Variants in CNKSR3 observed in about 807,000 individuals in gnomAD.
CNKSR3 encodes CNKSR family member 3.
Under a neutral mutation model 67.7 loss-of-function variants are expected in CNKSR3, and 36 were observed. The ratio of observed to expected loss-of-function variants is 0.53; its 90% confidence interval spans 0.41 to 0.70. The LOEUF is 0.70. Ranked by LOEUF, CNKSR3 falls within the 30% of genes least tolerant of loss-of-function variation. The pLI, the probability that CNKSR3 is intolerant of heterozygous loss-of-function variation, is 0.00. For missense variants in CNKSR3, 630 were observed against 695.2 expected (o/e 0.91, Z 1.05); for synonymous variants, 281 against 271.4 (o/e 1.04, Z -0.35).
Position 154,510,342 on chromosome 6 carries a change from C to T in CNKSR3, c.-228G>A. The T allele has an allele frequency of 1.8e-6, 1 of 547,042 alleles. No individual in the cohort carries two copies. The highest frequency in any genetic ancestry group is 3.6e-5 in the Admixed American group (1 of 27,644). The allele number at this position is 547,042 out of a possible 1,614,324, so 33.9% of individuals were successfully genotyped here. ...ACAGTCCAGCTGCAGCTCCTCCTTC[C>T]CCCGCCGCCGCCGGGATCCCGGGCA... is the stretch of plus-strand genomic sequence containing the variant. On this transcript the variant is annotated 5_prime_UTR_variant, in exon 1 of 13. Transcript: ENST00000607772.
At chr6:154,412,233 C>A (rs1332557287) in intron 10 of CNKSR3, among the ~76,000 whole-genome samples, 1 of 152,172 alleles carries the variant, frequency 6.6e-6, no homozygotes, top group Non-Finnish European at 1.5e-5. Context: ...TACCTTTAAA[C>A]CGGGCATATA....
At position 154,405,520 on chromosome 6, in the gene CNKSR3, G is replaced by A. The variant is rs1171635688; in HGVS notation, c.*834C>T. 3.3e-5 allele frequency: 5 copies of A among 152,228 alleles called. No homozygotes were observed. The highest frequency in any genetic ancestry group is 4.1e-4 in the South Asian group (2 of 4,836). 9.4% of individuals were successfully genotyped at this position (152,228 alleles called of 1,614,324 possible). The stretch of plus-strand genomic sequence containing the variant: ...ACAATTTTGAAGAAGTGTACACACC[G>A]TGCTGGAAGACAGACACTGAACAGG... On this transcript the variant is annotated 3_prime_UTR_variant, in exon 13 of 13. Transcript: ENST00000607772.
rs1466977361 is a variant in CNKSR3, at chr6:154,392,561, A to G, written c.*13793T>C. 2 of 152,366 alleles carry G rather than the reference A, an allele frequency of 1.3e-5. No homozygotes were observed. Among genetic ancestry groups the G allele is most frequent in the Non-Finnish European group, 2.9e-5 (2 of 68,052 alleles). 9.4% of individuals were successfully genotyped at this position (152,366 alleles called of 1,614,324 possible). A position where few individuals can be genotyped will look rare whatever the true frequency, so the allele number is the denominator to read the frequency against. On this transcript the variant is annotated 3_prime_UTR_variant, in exon 13 of 13. Transcript: ENST00000607772. ...CTAAAGGAGCCCACCCTCAGAATCC[A>G]AAAGAGGGTCCCGAAACCTTGTGGG...
In CNKSR3 at chr6:154,476,607, G is replaced by A. The variant is rs545882993; in HGVS notation, c.53-26349C>T. Among the ~76,000 whole-genome samples the A allele has an allele frequency of 3.5e-4, 53 of 152,176 alleles. No homozygotes were observed. The East Asian group carries it at 4.8e-3, about 14-fold the overall frequency. ...GCCAGTGTGTGTTACTTGGAGCATC[G>A]GTTACCTAAAAGCCAAGGACAGTAA... is the stretch of plus-strand genomic sequence containing the variant. On this transcript the variant is annotated intron_variant, in intron 1 of 12. Coordinates refer to ENST00000607772, the MANE Select transcript of CNKSR3 (RefSeq NM_173515.4).
At chr6:154,412,336 G>A (rs966770546) in intron 10 of CNKSR3, among the ~76,000 whole-genome samples, 1 of 152,154 alleles carries the variant, frequency 6.6e-6, no homozygotes, top group Non-Finnish European at 1.5e-5. Flanking sequence ...CATGAGTGGT[G>A]TGTGTGCACT....
intron 3 of CNKSR3, 84 bp from the exon 4 acceptor site, chr6:154,441,463 C>T (rs1785585392): frequency 2.1e-6 from 2 of 931,412 alleles, no homozygotes; most frequent in Admixed American, 3.8e-5. Flanking sequence ...ATAGCTACCC[C>T]ATGGGCTACT....
chr6:154,409,484 GA>G (rs36084587), intron 12 of CNKSR3, among the ~76,000 whole-genome samples: 25,458 of 150,768 alleles, frequency 0.17, 2,161 homozygotes, highest in East Asian at 0.22. Context: ...GGACTTGGAA[GA>G]AAAAAAAATC....
chr6:154,435,917 G>A (rs1316987148), intron 4 of CNKSR3, among the ~76,000 whole-genome samples: 1 of 152,248 alleles, frequency 6.6e-6, no homozygotes, highest in African/African-American at 2.4e-5. Flanking sequence ...CTGAGAATTC[G>A]GTGTGATGGC....
At chr6:154,408,917 C>G (rs1315097553) in intron 12 of CNKSR3, among the ~76,000 whole-genome samples, 1 of 151,926 alleles carries the variant, frequency 6.6e-6, no homozygotes, top group Non-Finnish European at 1.5e-5. Context: ...ATTTCACACC[C>G]CATAACCCTG....
chr6:154,421,929 C>A (rs1242550052), intron 9 of CNKSR3, among the ~76,000 whole-genome samples: 2 of 151,508 alleles, frequency 1.3e-5, no homozygotes, highest in Admixed American at 6.6e-5. Flanking sequence ...TGTGAATATT[C>A]TGCACCTGAA....
In CNKSR3 at chr6:154,440,255, C is replaced by T. The variant is rs1282409656; in HGVS notation, c.507+1037G>A. Among the ~76,000 whole-genome samples, 14 of 152,260 alleles carry T rather than the reference C, an allele frequency of 9.2e-5. No homozygotes were observed. The South Asian group carries it at 1.2e-3, about 14-fold the overall frequency. On this transcript the variant is annotated intron_variant, in intron 4 of 12. Coordinates refer to ENST00000607772, the MANE Select transcript of CNKSR3 (RefSeq NM_173515.4). ...ATTCCAGAAACAACCAGAAAAAGCA[C>T]GGCTTTTCAGAATTGCATCTCTGTT...
chr6:154,422,483 G>A, intron 9 of CNKSR3, 23 bp downstream of exon 9: 1 of 1,608,410 alleles, frequency 6.2e-7, no homozygotes, highest in South Asian at 1.1e-5. Flanking sequence ...GTTGGATGGA[G>A]GTTTACAGTT....
intron 1 of CNKSR3, among the ~76,000 whole-genome samples, chr6:154,473,863 C>T (rs1196800906): frequency 2.0e-5 from 3 of 151,802 alleles, no homozygotes; most frequent in Non-Finnish European, 4.4e-5. Context: ...CAGCTCACTG[C>T]AACCTCCGAC....
intron 7 of CNKSR3, 61 bp downstream of exon 7, chr6:154,428,067 A>C: frequency 9.3e-7 from 1 of 1,070,132 alleles, no homozygotes; most frequent in South Asian, 1.3e-5. Flanking sequence ...AAGTATAGAG[A>C]CTGTGGATCA....
intron 9 of CNKSR3, among the ~76,000 whole-genome samples, chr6:154,420,049 T>A (rs1270894045): frequency 6.6e-6 from 1 of 151,858 alleles, no homozygotes; most frequent in East Asian, 1.9e-4. Flanking sequence ...GGCACTGCAC[T>A]CCAGCCTGGG....
At chr6:154,462,762 G>C (rs770645217) in intron 1 of CNKSR3, among the ~76,000 whole-genome samples, 1 of 152,182 alleles carries the variant, frequency 6.6e-6, no homozygotes, top group African/African-American at 2.4e-5. Flanking sequence ...ATATGAAGGA[G>C]CCCAGCATTC....
intron 2 of CNKSR3, among the ~76,000 whole-genome samples, chr6:154,444,812 G>A (rs965160772): frequency 2.6e-5 from 4 of 151,880 alleles, no homozygotes; most frequent in Admixed American, 2.0e-4. Flanking sequence ...TCACCATGTT[G>A]GCCAGGGTGG....
intron 1 of CNKSR3, among the ~76,000 whole-genome samples, chr6:154,503,953 G>A (rs1195764558): frequency 1.3e-5 from 2 of 152,198 alleles, no homozygotes; most frequent in African/African-American, 4.8e-5. Context: ...CTAGAACAGT[G>A]CTTCTCTAAT....
intron 1 of CNKSR3, among the ~76,000 whole-genome samples, chr6:154,490,531 C>T (rs1271770819): frequency 6.6e-6 from 1 of 152,238 alleles, no homozygotes; most frequent in East Asian, 1.9e-4. Context: ...TATGTGTGCA[C>T]ACACAATACA....
Sources: gnomAD v4.1 joint callset for allele counts (sites outside exome capture counted in the v4.1 genomes callset) on GRCh38, gnomAD v4.1.1 for gene constraint, MANE v1.5 for transcripts, NCBI Gene and HGNC (gene_info 2026-07-23, HGNC 2026-07-21) for gene names.